DENND2C: variants seen among roughly 807,000 people sequenced by gnomAD.
The protein encoded by DENND2C is DENN domain-containing protein 2C.
DENND2C carries 72 observed loss-of-function variants against 112.4 expected under a neutral mutation model. The ratio of observed to expected loss-of-function variants is 0.64; its 90% CI spans 0.53 to 0.78. The LOEUF (loss-of-function observed/expected upper bound fraction) is 0.78, where lower values mean the gene tolerates loss of function less well. DENND2C is among the 30% of genes least tolerant of loss of function. DENND2C has a pLI of 0.00. For missense variants in DENND2C, 992 were observed against 1,113.8 expected (o/e 0.89, Z 1.56); for synonymous variants, 329 against 381.6 (o/e 0.86, Z 1.61).
At chr1:114,645,855 T>C (rs1266311873) in intron 2 of DENND2C, among the ~76,000 whole-genome samples, 5 of 152,144 alleles carry the variant, frequency 3.3e-5, no homozygotes, top group African/African-American at 1.2e-4. Context: ...TGGGCAACAT[T>C]AAGTAATAAT....
Position 114,585,503 on chromosome 1 carries a change from A to G in DENND2C, c.*97T>C, listed in dbSNP as rs576380433. 2 of 1,374,760 alleles carry G rather than the reference A, an allele frequency of 1.5e-6. No individual in the cohort carries two copies. The highest frequency in any genetic ancestry group is 2.3e-5 in the East Asian group (1 of 43,544). The allele number at this position is 1,374,760 out of a possible 1,614,324, so 85.2% of individuals were successfully genotyped here. ...CGCTCTTTAACCTTTTAAAATTTCAAGAATTTTGTAGAATACTTCATGGGA... is the reference window on the plus strand; with the variant it reads ...CGCTCTTTAACCTTTTAAAATTTCAGGAATTTTGTAGAATACTTCATGGGA... On this transcript the variant is annotated 3_prime_UTR_variant, in exon 21 of 21. Coordinates refer to ENST00000393274, the MANE Select transcript of DENND2C (RefSeq NM_001256404.2).
intron 8 of DENND2C, among the ~76,000 whole-genome samples, chr1:114,614,778 C>T (rs578243201): frequency 2.6e-5 from 4 of 152,060 alleles, no homozygotes; most frequent in South Asian, 4.2e-4. Context: ...TTTGGGAGGC[C>T]GAGGCGGGTG....
intron 6 of DENND2C, 59 bp from the exon 7 acceptor site, chr1:114,622,124 G>T: frequency 6.8e-7 from 1 of 1,462,468 alleles, no homozygotes; most frequent in Non-Finnish European, 9.1e-7. Context: ...TTGCTTGTTT[G>T]TTTGTTTGAG....
intron 17 of DENND2C, chr1:114,595,555 G>T: frequency 6.4e-6 from 2 of 313,154 alleles, no homozygotes; most frequent in Non-Finnish European, 1.2e-5. Flanking sequence ...AGAGGCTTAT[G>T]TGTCGACCCA....
intron 8 of DENND2C, among the ~76,000 whole-genome samples, chr1:114,613,552 T>C (rs1038955000): frequency 6.6e-6 from 1 of 152,154 alleles, no homozygotes; most frequent in East Asian, 1.9e-4. Flanking sequence ...TAAAATATTA[T>C]TCAGAGAAAG....
rs530153275 is a variant in DENND2C at position 114,659,714 on chromosome 1, A to ATTCCT, written c.-573-4958_-573-4954dup. ...ATATTGAAAAATATCTGCCCAAGAGATTCCTTTCCTTTCCTTTCCTTTTTC... is the reference window on the plus strand; with the variant it reads ...ATATTGAAAAATATCTGCCCAAGAGATTCCTTTCCTTTCCTTTCCTTTCCTTTTTC... On this transcript the variant is annotated intron_variant, in intron 1 of 20. Coordinates refer to ENST00000393274, the MANE Select transcript of DENND2C (RefSeq NM_001256404.2). Among the ~76,000 whole-genome samples, 13 of 151,088 alleles carry ATTCCT rather than the reference A, an allele frequency of 8.6e-5. No individual in the cohort carries two copies. The South Asian group carries it at 1.7e-3, about 20-fold the overall frequency.
intron 8 of DENND2C, among the ~76,000 whole-genome samples, chr1:114,617,435 T>C (rs572184655): frequency 6.6e-6 from 1 of 152,172 alleles, no homozygotes; most frequent in South Asian, 2.1e-4. Context: ...CTCAGCCTCC[T>C]GAGTAGCTGG....
intron 3 of DENND2C, among the ~76,000 whole-genome samples, chr1:114,637,921 G>T (rs984798599): frequency 2.6e-5 from 4 of 152,042 alleles, no homozygotes; most frequent in African/African-American, 9.7e-5. Context: ...ATCACAGCAG[G>T]TTTTGCTGTA....
intron 16 of DENND2C, among the ~76,000 whole-genome samples, chr1:114,597,369 A>T (rs1655371859): frequency 6.6e-6 from 1 of 151,268 alleles, no homozygotes; most frequent in Non-Finnish European, 1.5e-5. Flanking sequence ...GCTTGAATCC[A>T]GGAGGCGGAG....
rs151012807 is a variant in DENND2C at position 114,587,478 on chromosome 1, A to G, written c.2669-5T>C. On this transcript the variant is annotated splice_region_variant and splice_polypyrimidine_tract_variant and intron_variant, in intron 19 of 20. Transcript: ENST00000393274. ...TGGCCCGGATCTCAAACAAACCTACAAGGAAAAACTCATGTTGGTGAAACT... is the reference window on the plus strand; with the variant it reads ...TGGCCCGGATCTCAAACAAACCTACGAGGAAAAACTCATGTTGGTGAAACT... The G allele has an allele frequency of 2.1e-4, 337 of 1,614,102 alleles. 2 individuals carry two copies. In the East Asian group the frequency reaches 6.4e-3, roughly 31 times the overall value.
At chr1:114,635,210 A>G (rs1656620253) in intron 3 of DENND2C, among the ~76,000 whole-genome samples, 1 of 152,146 alleles carries the variant, frequency 6.6e-6, no homozygotes, top group South Asian at 2.1e-4. Flanking sequence ...GGTCTTCAAC[A>G]TTCTATACTG....
intron 1 of DENND2C, among the ~76,000 whole-genome samples, chr1:114,667,279 G>A (rs987096716): frequency 2.6e-5 from 4 of 151,962 alleles, no homozygotes; most frequent in Admixed American, 6.6e-5. Context: ...CTCTTCAAAC[G>A]TACCTAAATC....
chr1:114,625,493 C>G lies in DENND2C; in HGVS notation c.492G>C (p.Leu164Phe), dbSNP rs754362283. 2 of 1,614,074 alleles carry G rather than the reference C, an allele frequency of 1.2e-6. No homozygotes were observed. The highest frequency in any genetic ancestry group is 3.3e-5 in the Admixed American group (2 of 60,014). The change falls in exon 4 of 21, where the codon TTG becomes TTC. Residue 164 changes from leucine to phenylalanine, a missense_variant. This residue lies in a region of DENND2C where 470 missense variants were observed against 472.7 expected (regional missense o/e 0.99). Transcript: ENST00000393274. ...EALPPDKLLN[L>F]ALEHCDSSEK... is the part of the protein sequence containing the mutation. ...CTGAAGAGTCACAATGTTCTAAAGCCAAATTTAAGAGTTTATCTGGGGGAA... is the reference window on the plus strand; with the variant it reads ...CTGAAGAGTCACAATGTTCTAAAGCGAAATTTAAGAGTTTATCTGGGGGAA...
At chr1:114,664,222 G>T (rs1657584423) in intron 1 of DENND2C, among the ~76,000 whole-genome samples, 1 of 151,982 alleles carries the variant, frequency 6.6e-6, no homozygotes, top group African/African-American at 2.4e-5. Context: ...ATAGGCATGG[G>T]GACACAGTCT....
At chr1:114,587,325 G>T in intron 20 of DENND2C, 62 bp downstream of exon 20, 1 of 1,571,742 alleles carries the variant, frequency 6.4e-7, no homozygotes, top group Non-Finnish European at 8.8e-7. Flanking sequence ...GGAATTACAG[G>T]CATGAGCCAC....
At chr1:114,587,264 C>G in intron 20 of DENND2C, 123 bp downstream of exon 20, 1 of 1,062,256 alleles carries the variant, frequency 9.4e-7, no homozygotes, top group Non-Finnish European at 1.4e-6. Context: ...CCACGCTGGT[C>G]TCAAACTCCT....
intron 1 of DENND2C, among the ~76,000 whole-genome samples, chr1:114,669,514 G>T (rs779304143): frequency 4.6e-5 from 7 of 152,186 alleles, no homozygotes; most frequent in Non-Finnish European, 8.8e-5. Context: ...GTGCGTATTA[G>T]ATGCTGTTAA....
intron 9 of DENND2C, among the ~76,000 whole-genome samples, chr1:114,609,332 G>A (rs1225867683): frequency 6.6e-6 from 1 of 152,200 alleles, no homozygotes. Flanking sequence ...AGTACAGAAA[G>A]GGGGAGTTTG....
At chr1:114,634,333 T>C (rs1656587078) in intron 3 of DENND2C, among the ~76,000 whole-genome samples, 1 of 152,176 alleles carries the variant, frequency 6.6e-6, no homozygotes, top group South Asian at 2.1e-4. Flanking sequence ...ACTCTTTTCT[T>C]TCTTTTTTTT....
Sources: gnomAD v4.1 joint callset for allele counts (sites outside exome capture counted in the v4.1 genomes callset) on GRCh38, gnomAD v4.1.1 for gene constraint, gnomAD v4.1.1 regional missense constraint, MANE v1.5 for transcripts, NCBI Gene and HGNC (gene_info 2026-07-23, HGNC 2026-07-21) for gene names.